Variants in TNN observed in about 807,000 individuals in gnomAD.
TNN encodes the protein tenascin N.
Under a neutral mutation model 134.4 loss-of-function variants are expected in TNN, and 122 were observed. The ratio of observed to expected loss-of-function variants is 0.91; its 90% CI spans 0.78 to 1.06. The LOEUF is 1.06. TNN is among the 50% of genes least tolerant of loss of function. The pLI is 0.00. For synonymous variants in TNN, 710 were observed against 670.3 expected (o/e 1.06, Z -0.91); for missense variants, 1,739 against 1,699.4 (o/e 1.02, Z -0.41).
At chr1:175,094,288 C>T (rs1384663171) in intron 7 of TNN, 35 bp downstream of exon 7, 1 of 1,499,982 alleles carries the variant, frequency 6.7e-7, no homozygotes, top group Non-Finnish European at 9.0e-7. Flanking sequence ...TAGGTTTCCT[C>T]ATGGCAGGGA....
rs1261786492 is a variant in TNN, at chr1:175,079,466, C to A, written c.543C>A (p.Cys181Ter). 5 of 1,563,528 alleles carry A rather than the reference C, an allele frequency of 3.2e-6. No homozygotes were observed. The highest frequency in any genetic ancestry group is 2.4e-5 in the East Asian group (1 of 41,754). The change falls in exon 3 of 19, where the codon TGC becomes TGA. Residue 181 changes from cysteine (C) to a stop codon, truncating the protein, a stop_gained. Coordinates refer to ENST00000239462, the MANE Select transcript of TNN (RefSeq NM_022093.2). LOFTEE classifies it high-confidence loss of function. The stretch of plus-strand genomic sequence containing the variant: ...GGGCGTGCAGCGGCCACGGGCGTTG[C>A]GTGGACGGGCGCTGCCTGTGCCATG... ...CPGACSGHGR[C>*]VDGRCLCHEP... is the part of the protein sequence containing the mutation.
intron 1 of TNN, among the ~76,000 whole-genome samples, chr1:175,072,913 C>G (rs1398670997): frequency 7.3e-6 from 1 of 136,764 alleles, no homozygotes. Flanking sequence ...TGGTTGATGG[C>G]AAGAGTCCAC....
Position 175,080,243 on chromosome 1 carries a change from G to C in TNN, c.865G>C (p.Asp289His), listed in dbSNP as rs16847812. ...GAGCTGGGAGCCCTCCAGCCAGGTG[G>C]ATCACTACCTCCTCAGCTACTACCC... Reference protein sequence around the residue: ...LVSWEPSSQVDHYLLSYYPLG... With the variant: ...LVSWEPSSQVHHYLLSYYPLG... The change falls in exon 4 of 19, where the codon GAT (aspartate) becomes CAT (histidine). Residue 289 changes from aspartate to histidine, a missense_variant. Asp to His is a moderately conservative substitution (Grantham distance 81). Transcript: ENST00000239462. 1.9e-6 allele frequency: 3 copies of C among 1,613,934 alleles called. No individual in the cohort carries two copies. Among genetic ancestry groups the C allele is most frequent in the Non-Finnish European group, 2.5e-6 (3 of 1,179,944 alleles).
chr1:175,117,353 T>A (rs1675212728), intron 10 of TNN, 148 bp downstream of exon 10: 2 of 1,341,388 alleles, frequency 1.5e-6, no homozygotes, highest in Admixed American at 2.8e-5. Flanking sequence ...GCACACACCA[T>A]CCCTCATTTT....
intron 9 of TNN, among the ~76,000 whole-genome samples, chr1:175,106,650 G>T (rs1674861110): frequency 6.8e-6 from 1 of 146,462 alleles, no homozygotes; most frequent in African/African-American, 2.5e-5. Context: ...GAGGGCAAGG[G>T]TCAGGATAGA....
chr1:175,144,395 C>G lies in TNN; in HGVS notation c.3604C>G (p.Leu1202Val). 2.5e-6 allele frequency: 4 copies of G among 1,614,042 alleles called. No individual in the cohort carries two copies. Among genetic ancestry groups the G allele is most frequent in the Non-Finnish European group, 2.5e-6 (3 of 1,179,958 alleles). The change falls in exon 18 of 19, where the codon CTT becomes GTT. Residue 1202 changes from leucine (L) to valine (V), a missense_variant. By Grantham distance (32) the Leu-to-Val change is conservative. Coordinates refer to ENST00000239462, the MANE Select transcript of TNN (RefSeq NM_022093.2). ...GKYRGTAGDA[L>V]TYHNGWKFTT... ...TCTCTTCTCTCCTGCAGGGGATGCT[C>G]TTACTTACCACAATGGATGGAAGTT...
chr1:175,089,428 G>A (rs1674390850), intron 6 of TNN, among the ~76,000 whole-genome samples: 2 of 152,192 alleles, frequency 1.3e-5, no homozygotes, highest in Admixed American at 6.5e-5. Flanking sequence ...TCAGAAGCAG[G>A]TCAGCTTAAG....
chr1:175,101,831 C>G (rs952355260), intron 9 of TNN, among the ~76,000 whole-genome samples: 8 of 142,090 alleles, frequency 5.6e-5, no homozygotes, highest in South Asian at 2.3e-4. Context: ...GCTAGATACA[C>G]AGTGTCGATT....
intron 17 of TNN, among the ~76,000 whole-genome samples, chr1:175,140,827 G>A (rs941815183): frequency 7.9e-5 from 12 of 152,138 alleles, no homozygotes; most frequent in South Asian, 2.1e-4. Context: ...GAGTTTTAGC[G>A]TTCCTTATGT....
At position 175,118,644 on chromosome 1, in the gene TNN, A is replaced by G. The variant is rs1012579093; in HGVS notation, c.2470A>G (p.Ile824Val). ...CTCCTGGGACCCGGTGCAGGCCACC[A>G]TTGACAGGTATGTGGTGCACTACAC... ...TVSWDPVQAT[I>V]DRYVVHYTSA... The change falls in exon 11 of 19, where the codon ATT becomes GTT. Residue 824 changes from isoleucine to valine, a missense_variant. Coordinates refer to ENST00000239462, the MANE Select transcript of TNN (RefSeq NM_022093.2). The G allele has an allele frequency of 6.2e-7, 1 of 1,614,192 alleles. No homozygotes were observed. Among genetic ancestry groups the G allele is most frequent in the Non-Finnish European group, 8.5e-7 (1 of 1,180,036 alleles).
intron 8 of TNN, 80 bp downstream of exon 8, chr1:175,097,763 T>C (rs1297377941): frequency 1.3e-6 from 2 of 1,560,538 alleles, no homozygotes; most frequent in Non-Finnish European, 1.7e-6. Context: ...GGATGTGGCC[T>C]GAGCAGAAAG....
Position 175,076,158 on chromosome 1 carries a change from A to T in TNN, c.-35-1226A>T, listed in dbSNP as rs189969011. 2.4e-3 allele frequency among the ~76,000 whole-genome samples: 367 copies of T among 152,116 alleles called. 4 individuals carry two copies. The highest frequency in any genetic ancestry group is 8.6e-3 in the African/African-American group (356 of 41,496). ...GTGTGCAAAGAATGGGCCGTCCTAG[A>T]TGGGGGTTGGGGGCACAAGGGGAAA... On this transcript the variant is annotated intron_variant, in intron 1 of 18. Coordinates refer to ENST00000239462, the MANE Select transcript of TNN (RefSeq NM_022093.2).
At chr1:175,109,309 C>A (rs1037023955) in intron 9 of TNN, among the ~76,000 whole-genome samples, 1 of 149,774 alleles carries the variant, frequency 6.7e-6, no homozygotes, top group Admixed American at 6.6e-5. Context: ...AGGATGGTCT[C>A]GATCTCCTGA....
intron 4 of TNN, among the ~76,000 whole-genome samples, chr1:175,081,302 A>G (rs1674194126): frequency 6.6e-6 from 1 of 152,244 alleles, no homozygotes; most frequent in African/African-American, 2.4e-5. Flanking sequence ...CTCCTCGTGA[A>G]CATTCTTAAA....
At position 175,085,415 on chromosome 1, in the gene TNN, G is replaced by C; in HGVS notation, c.1245G>C (p.Pro415=). The change falls in exon 6 of 19, where the codon CCG becomes CCC. Residue 415 remains proline (P), a synonymous_variant. Coordinates refer to ENST00000239462, the MANE Select transcript of TNN (RefSeq NM_022093.2). The stretch of plus-strand genomic sequence containing the variant: ...CCTGCTTGTTTCCAGGTCTGCACCC[G>C]GGGACTGAGTATAAGATCACGGTGG... The part of the protein sequence containing the change: ...KSRYDITGLH[P]GTEYKITVVP... 6.2e-7 allele frequency: 1 copy of C among 1,609,712 alleles called. No homozygotes were observed.
intron 6 of TNN, among the ~76,000 whole-genome samples, chr1:175,092,412 C>G (rs1674474219): frequency 1.0e-5 from 1 of 100,496 alleles, no homozygotes; most frequent in South Asian, 3.0e-4. Flanking sequence ...TGGCTCTGAG[C>G]TCACAGTGCC....
At chr1:175,088,187 C>A (rs61541139) in intron 6 of TNN, among the ~76,000 whole-genome samples, 23,631 of 152,156 alleles carry the variant, frequency 0.16, 1,959 homozygotes, top group Non-Finnish European at 0.19. Flanking sequence ...TCTCCTTCCC[C>A]TTGTTAGGGG....
At chr1:175,076,198 A>T (rs6703323) in intron 1 of TNN, among the ~76,000 whole-genome samples, 14,961 of 152,082 alleles carry the variant, frequency 0.098, 1,745 homozygotes, top group African/African-American at 0.28. Context: ...TGGAGAGAGT[A>T]ATTCTGCTCA....
intron 9 of TNN, among the ~76,000 whole-genome samples, chr1:175,108,664 G>T (rs1482263783): frequency 6.6e-6 from 1 of 152,222 alleles, no homozygotes; most frequent in African/African-American, 2.4e-5. Flanking sequence ...TGGCACTGCT[G>T]GGGGACCCAG....
Sources: gnomAD v4.1 joint callset for allele counts (sites outside exome capture counted in the v4.1 genomes callset) on GRCh38, gnomAD v4.1.1 for gene constraint, MANE v1.5 for transcripts, NCBI Gene and HGNC (gene_info 2026-07-23, HGNC 2026-07-21) for gene names.